The following PELI1 variants were observed in gnomAD, a reference collection of about 807,000 sequenced individuals.
The protein encoded by PELI1 is E3 ubiquitin-protein ligase pellino homolog 1.
A neutral mutation model predicts 41.3 loss-of-function variants in PELI1; 15 were observed. The observed-to-expected ratio is 0.36, with a 90% CI of 0.24 to 0.56. PELI1 has a LOEUF of 0.56. Ranked by LOEUF, PELI1 falls within the 20% of genes least tolerant of loss-of-function variation. PELI1 has a pLI of 0.82. For missense variants in PELI1, 403 were observed against 525.5 expected (o/e 0.77, Z 2.28); for synonymous variants, 178 against 180.1 (o/e 0.99, Z 0.09).
At chr2:64,125,221 A>G (rs1304611571) in intron 1 of PELI1, among the ~76,000 whole-genome samples, 9 of 152,134 alleles carry the variant, frequency 5.9e-5, no homozygotes, top group Admixed American at 5.9e-4. Flanking sequence ...CCCAGAGGTC[A>G]CTGGGTGAGA....
At chr2:64,107,556 T>A (rs1445880223) in intron 2 of PELI1, among the ~76,000 whole-genome samples, 8 of 152,038 alleles carry the variant, frequency 5.3e-5, no homozygotes, top group African/African-American at 1.4e-4. Flanking sequence ...CTAACCTACA[T>A]GAAATGACTT....
chr2:64,133,611 C>A (rs1681627551), intron 1 of PELI1, among the ~76,000 whole-genome samples: 1 of 151,944 alleles, frequency 6.6e-6, no homozygotes, highest in South Asian at 2.1e-4. Context: ...TAAGGAAACT[C>A]AAGCTCAAAG....
At chr2:64,122,672 C>A (rs1681262044) in intron 1 of PELI1, among the ~76,000 whole-genome samples, 1 of 152,178 alleles carries the variant, frequency 6.6e-6, no homozygotes, top group African/African-American at 2.4e-5. Context: ...AATGCAAATT[C>A]ACGCAGATGG....
intron 1 of PELI1, among the ~76,000 whole-genome samples, chr2:64,141,974 C>G (rs1681927705): frequency 6.6e-6 from 1 of 152,210 alleles, no homozygotes; most frequent in African/African-American, 2.4e-5. Context: ...ACATAACCAA[C>G]TGTAAGAACA....
intron 1 of PELI1, among the ~76,000 whole-genome samples, chr2:64,110,043 G>A (rs1285119901): frequency 2.0e-5 from 3 of 152,040 alleles, no homozygotes; most frequent in South Asian, 4.2e-4. Context: ...TCAGGAGTTC[G>A]AGACCAGCCT....
intron 1 of PELI1, among the ~76,000 whole-genome samples, chr2:64,111,835 T>C (rs1388702926): frequency 6.6e-6 from 1 of 152,180 alleles, no homozygotes; most frequent in African/African-American, 2.4e-5. Context: ...AAGCATTTCA[T>C]TTAAAAAAGT....
chr2:64,102,241 T>C (rs896527275), intron 3 of PELI1, among the ~76,000 whole-genome samples: 2 of 138,554 alleles, frequency 1.4e-5, no homozygotes, highest in African/African-American at 5.4e-5. Flanking sequence ...GTGTAGATCA[T>C]TTACATGCAT....
rs1553354360 is a variant in PELI1 at position 64,099,201 on chromosome 2, C to CAT, written c.303+1195_303+1196dup. Among the ~76,000 whole-genome samples, 1,452 of 149,562 alleles carry CAT rather than the reference C, an allele frequency of 9.7e-3. 13 individuals carry two copies. The highest frequency in any genetic ancestry group is 0.01 in the Non-Finnish European group (688 of 67,228). ...ACACACACACACACACACACACACACATATATATTTATCTATATTTTATTA... is the reference window on the plus strand; with the variant it reads ...ACACACACACACACACACACACACACATATATATATTTATCTATATTTTATTA... On this transcript the variant is annotated intron_variant, in intron 4 of 6. Coordinates refer to ENST00000358912, the MANE Select transcript of PELI1 (RefSeq NM_020651.4).
chr2:64,105,313 A>G (rs1680583358), intron 2 of PELI1, among the ~76,000 whole-genome samples: 1 of 152,224 alleles, frequency 6.6e-6, no homozygotes, highest in Non-Finnish European at 1.5e-5. Flanking sequence ...GTTAAGTCTT[A>G]GCTACCTGAA....
chr2:64,101,203 T>C (rs968404796), intron 3 of PELI1, among the ~76,000 whole-genome samples: 1 of 152,106 alleles, frequency 6.6e-6, no homozygotes, highest in Non-Finnish European at 1.5e-5. Context: ...AGTTCACTCA[T>C]AAGCCAAGTT....
chr2:64,138,384 C>T (rs1462043204), intron 1 of PELI1, among the ~76,000 whole-genome samples: 1 of 152,194 alleles, frequency 6.6e-6, no homozygotes, highest in East Asian at 1.9e-4. Flanking sequence ...TCATTACTCA[C>T]TTTAACTATT....
intron 6 of PELI1, among the ~76,000 whole-genome samples, chr2:64,095,858 G>A (rs1223444846): frequency 6.6e-6 from 1 of 152,140 alleles, no homozygotes; most frequent in Non-Finnish European, 1.5e-5. Context: ...GCTCAGGCTG[G>A]TCTCGAACTC....
chr2:64,129,423 T>C (rs1036768309), intron 1 of PELI1, among the ~76,000 whole-genome samples: 2 of 152,170 alleles, frequency 1.3e-5, no homozygotes, highest in Non-Finnish European at 2.9e-5. Context: ...AGGCTCAGAA[T>C]ACCATAAACC....
intron 1 of PELI1, among the ~76,000 whole-genome samples, chr2:64,119,497 T>C (rs1301868480): frequency 6.6e-6 from 1 of 152,240 alleles, no homozygotes; most frequent in African/African-American, 2.4e-5. Flanking sequence ...AATAGCTGGC[T>C]GTCTGTTCAC....
chr2:64,105,050 A>G (rs999005690), intron 2 of PELI1, among the ~76,000 whole-genome samples: 1 of 152,030 alleles, frequency 6.6e-6, no homozygotes, highest in African/African-American at 2.4e-5. Context: ...GTCACAGAGA[A>G]CCTTTTGGAT....
intron 1 of PELI1, among the ~76,000 whole-genome samples, chr2:64,110,602 C>T (rs1366838237): frequency 1.3e-5 from 2 of 152,162 alleles, no homozygotes; most frequent in Admixed American, 1.3e-4. Flanking sequence ...TCTCTTGAAT[C>T]TTCTGAATTT....
intron 1 of PELI1, among the ~76,000 whole-genome samples, chr2:64,130,170 C>G (rs1024028541): frequency 6.6e-6 from 1 of 152,154 alleles, no homozygotes; most frequent in Admixed American, 6.5e-5. Flanking sequence ...CTCTATATCA[C>G]ATATATCAAA....
intron 1 of PELI1, among the ~76,000 whole-genome samples, chr2:64,110,301 G>GAA (rs1680770252): frequency 6.9e-6 from 1 of 145,256 alleles, no homozygotes. Flanking sequence ...GAGAGAGAGA[G>GAA]AACACTGCAT....
At chr2:64,114,813 GC>G (rs943325619) in intron 1 of PELI1, among the ~76,000 whole-genome samples, 56 of 152,098 alleles carry the variant, frequency 3.7e-4, no homozygotes, top group African/African-American at 1.3e-3. Context: ...CTTTAAAAAT[GC>G]CTCAACTTCC....
Sources: allele counts gnomAD v4.1 joint callset (sites outside exome capture counted in the v4.1 genomes callset), GRCh38; gene constraint gnomAD v4.1.1; transcripts MANE v1.5; gene names NCBI Gene and HGNC (gene_info 2026-07-23, HGNC 2026-07-21).